The following EYA1 variants were observed in gnomAD, a reference collection of about 807,000 sequenced individuals.
The protein encoded by EYA1 is EYA transcriptional coactivator and phosphatase 1.
Under a neutral mutation model 82.0 loss-of-function variants are expected in EYA1, and 16 were observed. The ratio of observed to expected loss-of-function variants is 0.20; its 90% CI spans 0.13 to 0.30. The LOEUF is 0.30. Ranked by LOEUF, EYA1 falls within the 10% of genes least tolerant of loss-of-function variation. The pLI, the probability that EYA1 is intolerant of heterozygous loss-of-function variation, is 1.00. For missense variants in EYA1, 633 were observed against 730.7 expected (o/e 0.87, Z 1.54); for synonymous variants, 261 against 264.4 (o/e 0.99, Z 0.12).
At chr8:71,285,004 T>C (rs894161332) in intron 9 of EYA1, among the ~76,000 whole-genome samples, 1 of 152,244 alleles carries the variant, frequency 6.6e-6, no homozygotes, top group Non-Finnish European at 1.5e-5. Context: ...AGTGGCAAAA[T>C]GCTCCTGAGG....
rs576235744 is a variant in EYA1 at position 71,347,967 on chromosome 8, T to C, written c.124+6815A>G. ...CATAATCATAATAAGCTCTCACTTATAAATTGTGGGTCCTAAACGTTAACA... is the reference window on the plus strand; with the variant it reads ...CATAATCATAATAAGCTCTCACTTACAAATTGTGGGTCCTAAACGTTAACA... On this transcript the variant is annotated intron_variant, in intron 3 of 17. Transcript: ENST00000340726. Among the ~76,000 whole-genome samples, 3 of 150,332 alleles carry C rather than the reference T, an allele frequency of 2.0e-5. No individual in the cohort carries two copies. In the East Asian group the frequency reaches 5.9e-4, roughly 30 times the overall value.
chr8:71,324,555 G>A (rs377383493), intron 4 of EYA1, among the ~76,000 whole-genome samples: 14 of 152,212 alleles, frequency 9.2e-5, no homozygotes, highest in African/African-American at 3.1e-4. Flanking sequence ...TTTTCCTTCT[G>A]TGTTTTCAAC....
chr8:71,518,553 A>G (rs1813157337), intron 2 of EYA1, among the ~76,000 whole-genome samples: 1 of 152,122 alleles, frequency 6.6e-6, no homozygotes, highest in African/African-American at 2.4e-5. Context: ...TCTACCATGC[A>G]CTCGGCCTTT....
chr8:71,277,115 A>ATTTTTTTTTTTTT (rs9298167), intron 9 of EYA1, among the ~76,000 whole-genome samples: 6 of 76,940 alleles, frequency 7.8e-5, no homozygotes, highest in Non-Finnish European at 1.2e-4. Context: ...GGCTTCACAC[A>ATTTTTTTTTTTTT]TTTTTTTTTT....
At position 71,271,744 on chromosome 8, in the gene EYA1, T is replaced by C; in HGVS notation, c.966+14A>G. Reference sequence around the variant, plus strand: ...GACACCTTTCTATTCACTTGGGTGTTGGCTATGACGTACCTCAAGATCAGA... The same window carrying C: ...GACACCTTTCTATTCACTTGGGTGTCGGCTATGACGTACCTCAAGATCAGA... On this transcript the variant is annotated intron_variant, in intron 10 of 17. Transcript: ENST00000340726. 6.2e-7 allele frequency: 1 copy of C among 1,614,216 alleles called. No individual in the cohort carries two copies. The highest frequency in any genetic ancestry group is 8.5e-7 in the Non-Finnish European group (1 of 1,180,024).
chr8:71,211,438 T>C (rs1808497920), intron 16 of EYA1, among the ~76,000 whole-genome samples, 182 bp from the exon 17 acceptor site: 1 of 152,226 alleles, frequency 6.6e-6, no homozygotes, highest in African/African-American at 2.4e-5. Flanking sequence ...AATTACAAAG[T>C]AAATTAATTA....
intron 7 of EYA1, among the ~76,000 whole-genome samples, chr8:71,316,177 T>C (rs1821906664): frequency 6.6e-6 from 1 of 152,124 alleles, no homozygotes; most frequent in African/African-American, 2.4e-5. Context: ...CAAAGAAAGG[T>C]ATCAAATGTG....
chr8:71,415,684 C>A (rs1311043380), intron 2 of EYA1, among the ~76,000 whole-genome samples: 3 of 152,166 alleles, frequency 2.0e-5, no homozygotes, highest in African/African-American at 7.2e-5. Context: ...TAAGCTATAG[C>A]TTTAGCTTCA....
intron 2 of EYA1, among the ~76,000 whole-genome samples, chr8:71,390,471 C>T (rs1829214788): frequency 6.6e-6 from 1 of 152,040 alleles, no homozygotes; most frequent in Non-Finnish European, 1.5e-5. Context: ...CTATGCTGCT[C>T]AGGCTGGTTT....
chr8:71,221,621 G>A (rs1437988761), intron 12 of EYA1, among the ~76,000 whole-genome samples: 1 of 152,142 alleles, frequency 6.6e-6, no homozygotes, highest in African/African-American at 2.4e-5. Flanking sequence ...CCATGAGCCG[G>A]GGCAGGAGAG....
intron 9 of EYA1, among the ~76,000 whole-genome samples, chr8:71,282,685 G>A (rs143719625): frequency 3.3e-5 from 5 of 152,186 alleles, no homozygotes; most frequent in Non-Finnish European, 5.9e-5. Context: ...GCTGGCTAAC[G>A]TGGGAAGGCC....
intron 2 of EYA1, among the ~76,000 whole-genome samples, chr8:71,408,249 T>C (rs1479939461): frequency 2.0e-5 from 3 of 152,046 alleles, no homozygotes; most frequent in Admixed American, 6.6e-5. Context: ...GAACAACTGG[T>C]ACCAGCCGCT....
At chr8:71,537,433 T>C (rs971687257) in intron 1 of EYA1, among the ~76,000 whole-genome samples, 1 of 152,186 alleles carries the variant, frequency 6.6e-6, no homozygotes, top group Non-Finnish European at 1.5e-5. Context: ...GAAGAGATAC[T>C]ACAGAATATC....
At chr8:71,462,930 C>G (rs1808478136) in intron 2 of EYA1, among the ~76,000 whole-genome samples, 1 of 152,182 alleles carries the variant, frequency 6.6e-6, no homozygotes, top group Admixed American at 6.5e-5. Context: ...GTGGATATCC[C>G]CGCCACTGCC....
intron 2 of EYA1, among the ~76,000 whole-genome samples, chr8:71,514,401 T>A (rs1185653056): frequency 2.0e-5 from 3 of 152,168 alleles, no homozygotes; most frequent in African/African-American, 2.4e-5. Context: ...TCATTTTTCA[T>A]CTGTACATAT....
At chr8:71,320,379 A>G (rs1480705412) in intron 6 of EYA1, among the ~76,000 whole-genome samples, 2 of 152,196 alleles carry the variant, frequency 1.3e-5, no homozygotes, top group Admixed American at 1.3e-4. Flanking sequence ...TCACAAATAA[A>G]TTTTGAGAAC....
intron 2 of EYA1, among the ~76,000 whole-genome samples, chr8:71,512,420 GACAATAAA>G (rs1812671413): frequency 6.6e-6 from 1 of 151,234 alleles, no homozygotes; most frequent in Non-Finnish European, 1.5e-5. Context: ...GCTCAGATGA[GACAATAAA>G]ACAATAAAGG....
At chr8:71,381,636 G>C (rs888400527) in intron 2 of EYA1, among the ~76,000 whole-genome samples, 1 of 152,208 alleles carries the variant, frequency 6.6e-6, no homozygotes, top group Non-Finnish European at 1.5e-5. Context: ...CTTACAGTAT[G>C]AGCCAAAAAG....
Position 71,361,941 on chromosome 8 carries a change from G to A in EYA1, c.-349C>T. ...GACGGCAACAGGAAGGCTTAAAGTCGGAAGTGGCACTGGAGAGTTTCTACC... is the reference window on the plus strand; with the variant it reads ...GACGGCAACAGGAAGGCTTAAAGTCAGAAGTGGCACTGGAGAGTTTCTACC... On this transcript the variant is annotated 5_prime_UTR_variant, in exon 1 of 18. Transcript: ENST00000340726. The A allele has an allele frequency of 3.0e-6, 3 of 985,456 alleles. No homozygotes were observed. The highest frequency in any genetic ancestry group is 3.6e-6 in the Non-Finnish European group (3 of 829,968). The allele number at this position is 985,456 out of a possible 1,614,324, so 61.0% of individuals were successfully genotyped here.
Sources: allele counts gnomAD v4.1 joint callset (sites outside exome capture counted in the v4.1 genomes callset), GRCh38; gene constraint gnomAD v4.1.1; transcripts MANE v1.5; gene names NCBI Gene and HGNC (gene_info 2026-07-23, HGNC 2026-07-21).